The following TACC2 variants were observed in gnomAD, a reference collection of about 807,000 sequenced individuals.
The protein encoded by TACC2 is transforming acidic coiled-coil containing protein 2.
In TACC2, 137 loss-of-function variants were observed where a neutral mutation model predicts 227.3. The ratio of observed to expected loss-of-function variants is 0.60; its 90% confidence interval spans 0.52 to 0.69. The LOEUF (loss-of-function observed/expected upper bound fraction) is 0.69. Ranked by LOEUF, TACC2 falls within the 30% of genes least tolerant of loss-of-function variation. The probability of loss-of-function intolerance (pLI) is 0.00; values close to 1 mark genes in which losing one functional copy is unlikely to be tolerated. For synonymous variants in TACC2, 1,523 were observed against 1,487.5 expected (o/e 1.02, Z -0.55); for missense variants, 3,470 against 3,694.4 (o/e 0.94, Z 1.57).
rs187918461 is a variant in TACC2 at position 121,998,361 on chromosome 10, C to A, written c.-46+8873C>A. Among the ~76,000 whole-genome samples the A allele has an allele frequency of 9.3e-5, 14 of 150,496 alleles. No homozygotes were observed. The East Asian group carries it at 2.5e-3, about 27-fold the overall frequency. On this transcript the variant is annotated intron_variant, in intron 1 of 22. Transcript: ENST00000369005. ...AGACTCCTTTTTGGGGGCCTGTACT[C>A]ACCCTTAGCAGATCTCTGAACAATC...
chr10:122,080,509 C>T (rs193238045), intron 3 of TACC2, among the ~76,000 whole-genome samples: 2 of 152,222 alleles, frequency 1.3e-5, no homozygotes, highest in East Asian at 3.9e-4. Flanking sequence ...GTTGGGATTA[C>T]AGGTGTGAGC....
intron 1 of TACC2, among the ~76,000 whole-genome samples, chr10:121,994,300 G>T (rs545749764): frequency 6.6e-6 from 1 of 152,120 alleles, no homozygotes; most frequent in Non-Finnish European, 1.5e-5. Flanking sequence ...TTCTTTTATG[G>T]TTGCTTTGTT....
Position 122,082,955 on chromosome 10 carries a change from C to T in TACC2, c.455C>T (p.Ala152Val), listed in dbSNP as rs139910468. Residue 152 changes from alanine (A) to valine (V), a missense_variant, in exon 4 of 23, where the codon GCG (alanine) becomes GTG (valine). Ala to Val is a moderately conservative substitution (Grantham distance 64). This residue lies in a region of TACC2 where 405 missense variants were observed against 389.6 expected (regional missense o/e 1.04). Coordinates refer to ENST00000369005, the MANE Select transcript of TACC2 (RefSeq NM_206862.4). ...CCAAATGCCCCAGGAGACATCGCGG[C>T]GGCATTTCCCGCTGAGAGGGACAGC... ...PAPNAPGDIA[A>V]AFPAERDSST... is the part of the protein sequence containing the mutation. The T allele has an allele frequency of 2.4e-5, 38 of 1,612,898 alleles. No individual in the cohort carries two copies. Among genetic ancestry groups the T allele is most frequent in the African/African-American group, 9.3e-5 (7 of 75,024 alleles).
At chr10:122,159,514 G>A (rs2092693090) in intron 7 of TACC2, among the ~76,000 whole-genome samples, 1 of 152,170 alleles carries the variant, frequency 6.6e-6, no homozygotes, top group East Asian at 1.9e-4. Context: ...CTCAGTGCAG[G>A]GCTCGGGCGT....
chr10:122,017,512 CCTT>C (rs1021145183), intron 1 of TACC2, among the ~76,000 whole-genome samples: 6 of 152,076 alleles, frequency 3.9e-5, no homozygotes, highest in Non-Finnish European at 4.4e-5. Flanking sequence ...ATAAGATTCT[CCTT>C]CTTAGAAAAA....
At chr10:122,142,427 T>C (rs924741876) in intron 6 of TACC2, among the ~76,000 whole-genome samples, 34 of 152,360 alleles carry the variant, frequency 2.2e-4, no homozygotes, top group Non-Finnish European at 2.2e-4. Flanking sequence ...CTGCAGAATC[T>C]GCTAAGCTGT....
At position 122,086,118 on chromosome 10, in the gene TACC2, C is replaced by T. The variant is rs1175145407; in HGVS notation, c.3618C>T (p.Ser1206=). Residue 1206 remains serine (S), a synonymous_variant, in exon 4 of 23, where the codon AGC becomes AGT. Coordinates refer to ENST00000369005, the MANE Select transcript of TACC2 (RefSeq NM_206862.4). ...PARELGGIPR[S]TMDFSTHQAV... is the part of the protein sequence containing the mutation. ...GAGAGCTGGGTGGGATTCCCAGGAG[C>T]ACCATGGATTTTTCTACACACCAGG... 9 of 1,613,420 alleles carry T rather than the reference C, an allele frequency of 5.6e-6. No homozygotes were observed. Among genetic ancestry groups the T allele is most frequent in the Non-Finnish European group, 7.6e-6 (9 of 1,179,994 alleles).
intron 5 of TACC2, among the ~76,000 whole-genome samples, chr10:122,094,495 T>C (rs2081165507): frequency 6.6e-6 from 1 of 152,148 alleles, no homozygotes. Flanking sequence ...TCCAGGCTGG[T>C]CTCGAACTCC....
At chr10:122,145,770 G>A (rs1288526792) in intron 7 of TACC2, among the ~76,000 whole-genome samples, 1 of 152,102 alleles carries the variant, frequency 6.6e-6, no homozygotes, top group Non-Finnish European at 1.5e-5. Flanking sequence ...GTGCCTCCTG[G>A]CACCAGCAGA....
chr10:122,060,856 T>C (rs1208584573), intron 3 of TACC2, among the ~76,000 whole-genome samples: 1 of 150,704 alleles, frequency 6.6e-6, no homozygotes, highest in African/African-American at 2.4e-5. Context: ...AACACAGAAA[T>C]TAGCCGGGCG....
At chr10:122,225,726 C>T (rs975074635) in intron 12 of TACC2, among the ~76,000 whole-genome samples, 24 of 152,308 alleles carry the variant, frequency 1.6e-4, no homozygotes, top group African/African-American at 4.6e-4. Flanking sequence ...CTGCCTGGTG[C>T]GTTGGCAGGC....
chr10:122,235,870 G>C (rs2095848757), intron 16 of TACC2, among the ~76,000 whole-genome samples: 1 of 152,080 alleles, frequency 6.6e-6, no homozygotes, highest in Non-Finnish European at 1.5e-5. Context: ...TGCTTGAAGG[G>C]GACTGTGTAC....
At chr10:122,005,141 G>A (rs1315586898) in intron 1 of TACC2, among the ~76,000 whole-genome samples, 1 of 150,498 alleles carries the variant, frequency 6.6e-6, no homozygotes, top group Non-Finnish European at 1.5e-5. Flanking sequence ...GAGTGCAATG[G>A]TGCAATCCGG....
In TACC2 at chr10:122,215,463, C is replaced by T. The variant is rs1012523324; in HGVS notation, c.7344+12C>T. 2 of 1,612,852 alleles carry T rather than the reference C, an allele frequency of 1.2e-6. No homozygotes were observed. The highest frequency in any genetic ancestry group is 2.7e-5 in the African/African-American group (2 of 74,884). ...ATCCACCTTCCCAGGTACAGTGTTC[C>T]TTTGATCTTGATGGTTTTATGCCCC... On this transcript the variant is annotated intron_variant, in intron 10 of 22. Transcript: ENST00000369005.
Position 122,021,997 on chromosome 10 carries a change from A to G in TACC2, c.16A>G (p.Ser6Gly). Residue 6 changes from serine to glycine, a missense_variant, in exon 2 of 23, where the codon AGC becomes GGC. Coordinates refer to ENST00000369005, the MANE Select transcript of TACC2 (RefSeq NM_206862.4). MGNEN[S>G]TSDNQRTLSA... ...CTGAATCAACATGGGCAATGAGAAC[A>G]GCACCTCGGACAACCAGGTGGGTGT... The G allele has an allele frequency of 3.7e-6, 6 of 1,614,176 alleles. No homozygotes were observed. Among genetic ancestry groups the G allele is most frequent in the Non-Finnish European group, 4.2e-6 (5 of 1,180,030 alleles).
chr10:122,214,440 A>C lies in TACC2; in HGVS notation c.7284-951A>C, dbSNP rs76829331. Reference sequence around the variant, plus strand: ...CCAAATTGCTCTGCCCACCCAGTTAACATGCAAAGCAGGGGAGGGTGGTGG... The same window carrying C: ...CCAAATTGCTCTGCCCACCCAGTTACCATGCAAAGCAGGGGAGGGTGGTGG... On this transcript the variant is annotated intron_variant, in intron 9 of 22. Coordinates refer to ENST00000369005, the MANE Select transcript of TACC2 (RefSeq NM_206862.4). 0.01 allele frequency among the ~76,000 whole-genome samples: 1,567 copies of C among 152,278 alleles called. 110 individuals are homozygous for C. The East Asian group carries it at 0.21, about 20-fold the overall frequency.
At chr10:122,057,044 T>C (rs551436038) in intron 3 of TACC2, among the ~76,000 whole-genome samples, 25 of 152,042 alleles carry the variant, frequency 1.6e-4, no homozygotes, top group Non-Finnish European at 3.5e-4. Context: ...ATACAAAAAT[T>C]AGCCTGGCAT....
intron 1 of TACC2, among the ~76,000 whole-genome samples, chr10:122,005,786 C>T (rs771122581): frequency 6.6e-5 from 10 of 150,434 alleles, no homozygotes; most frequent in East Asian, 4.0e-4. Flanking sequence ...CTCCACTCCC[C>T]GGGTTCAAGC....
In TACC2 at chr10:122,087,242, C is replaced by T; in HGVS notation, c.4742C>T (p.Pro1581Leu). 3 of 1,613,642 alleles carry T rather than the reference C, an allele frequency of 1.9e-6. No homozygotes were observed. The highest frequency in any genetic ancestry group is 2.5e-6 in the Non-Finnish European group (3 of 1,179,998). ...AGAGCTGCTGCCTTCCAGGTGGCTC[C>T]CCATAGCCATGGAGAAGAGGCCGTG... ...VERAAAFQVA[P>L]HSHGEEAVAQ... The change falls in exon 4 of 23, where the codon CCC becomes CTC. Residue 1581 changes from proline to leucine, a missense_variant. This residue lies in a region of TACC2 where 1,924 missense variants were observed against 1,978.3 expected (regional missense o/e 0.97). Coordinates refer to ENST00000369005, the MANE Select transcript of TACC2 (RefSeq NM_206862.4).
Sources: gnomAD v4.1 joint callset for allele counts (sites outside exome capture counted in the v4.1 genomes callset) on GRCh38, gnomAD v4.1.1 for gene constraint, gnomAD v4.1.1 regional missense constraint, MANE v1.5 for transcripts, NCBI Gene and HGNC (gene_info 2026-07-23, HGNC 2026-07-21) for gene names.